The following SRFBP1 variants were observed in gnomAD, a reference collection of about 807,000 sequenced individuals.
SRFBP1 encodes the protein serum response factor-binding protein 1.
In SRFBP1, 47 loss-of-function variants were observed where a neutral mutation model predicts 45.5. That is an observed-to-expected ratio of 1.03 (90% CI 0.82 to 1.32). The LOEUF is 1.32. SRFBP1 is among the 40% of genes most tolerant of loss of function. The pLI is 0.00. For missense variants in SRFBP1, 621 were observed against 484.6 expected, an observed-to-expected ratio of 1.28 and a Z score of -2.64; for synonymous variants, 203 against 166.3, an observed-to-expected ratio of 1.22 and a Z score of -1.70.
chr5:122,021,769 C>A (rs936005647), intron 6 of SRFBP1, among the ~76,000 whole-genome samples: 7 of 150,046 alleles, frequency 4.7e-5, no homozygotes, highest in African/African-American at 1.7e-4. Flanking sequence ...CTCTGCCTCC[C>A]AGGTTCAAGC....
intron 4 of SRFBP1, 142 bp from the exon 5 acceptor site, chr5:122,019,118 G>A: frequency 4.3e-6 from 3 of 690,668 alleles, no homozygotes. Context: ...TGATTATACA[G>A]ATATCTTATC....
chr5:121,981,117 A>G (rs1752398964), intron 3 of SRFBP1, among the ~76,000 whole-genome samples: 1 of 152,006 alleles, frequency 6.6e-6, no homozygotes, highest in African/African-American at 2.4e-5. Flanking sequence ...TTTTGGTAGT[A>G]TGTCCAGGTG....
At chr5:121,963,489 A>G (rs1751993817) in intron 1 of SRFBP1, among the ~76,000 whole-genome samples, 1 of 152,130 alleles carries the variant, frequency 6.6e-6, no homozygotes, top group African/African-American at 2.4e-5. Context: ...GACTTTGATG[A>G]TGGAAATGAC....
intron 2 of SRFBP1, among the ~76,000 whole-genome samples, chr5:122,037,642 T>C (rs1753714138): frequency 6.6e-6 from 1 of 152,116 alleles, no homozygotes; most frequent in South Asian, 2.1e-4. Context: ...AGCCACATGC[T>C]AACACACCTG....
rs113463878 is a variant in SRFBP1, at chr5:121,987,116, A to G, written c.199-7483A>G. On this transcript the variant is annotated intron_variant, in intron 3 of 7. Coordinates refer to ENST00000339397, the MANE Select transcript of SRFBP1 (RefSeq NM_152546.3). ...CTGGAAAACCAATTAGGCTATTATA[A>G]TCCACACAATCCATAAAGAAGTCTT... Among the ~76,000 whole-genome samples the G allele has an allele frequency of 6.7e-3, 1,017 of 152,252 alleles. 18 individuals carry two copies. The highest frequency in any genetic ancestry group is 0.023 in the African/African-American group (975 of 41,546).
At chr5:122,023,990 T>C (rs1290937455) in intron 7 of SRFBP1, among the ~76,000 whole-genome samples, 2 of 152,218 alleles carry the variant, frequency 1.3e-5, no homozygotes, top group African/African-American at 4.8e-5. Context: ...GGGAGTGCCA[T>C]ACATTTAGTC....
intron 4 of SRFBP1, among the ~76,000 whole-genome samples, chr5:122,000,987 T>C (rs1355453270): frequency 6.6e-6 from 1 of 152,136 alleles, no homozygotes; most frequent in Non-Finnish European, 1.5e-5. Context: ...AAATTTGACA[T>C]ACACTGACTC....
chr5:121,979,367 A>G (rs575230595), intron 3 of SRFBP1, among the ~76,000 whole-genome samples: 8 of 152,306 alleles, frequency 5.3e-5, no homozygotes, highest in African/African-American at 1.9e-4. Flanking sequence ...ATAGTTTCAC[A>G]TACTGTGACT....
At chr5:122,032,399 G>GC (rs1753605530), downstream of SRFBP1, among the ~76,000 whole-genome samples, 2 of 107,050 alleles carry the variant, frequency 1.9e-5, no homozygotes, top group Non-Finnish European at 3.8e-5. Context: ...ATTCCCGCCC[G>GC]CCCCCTGTAA....
chr5:122,037,543 C>T (rs922729029), intron 2 of SRFBP1, among the ~76,000 whole-genome samples: 9 of 152,010 alleles, frequency 5.9e-5, no homozygotes, highest in East Asian at 3.8e-4. Context: ...CTTACTCTGT[C>T]GCTATGTTGA....
intron 2 of SRFBP1, among the ~76,000 whole-genome samples, chr5:122,062,649 G>C (rs75222393): frequency 0.047 from 7,210 of 152,032 alleles, 523 homozygotes; most frequent in African/African-American, 0.15. Context: ...TTGCCAGCCA[G>C]AAGTCTACAT....
At chr5:122,062,700 G>A (rs907436749) in intron 2 of SRFBP1, among the ~76,000 whole-genome samples, 5 of 151,944 alleles carry the variant, frequency 3.3e-5, no homozygotes, top group African/African-American at 1.2e-4. Flanking sequence ...AATTGTTTTT[G>A]TGGGTTAATT....
downstream of SRFBP1, chr5:122,077,567 GA>G: frequency 6.2e-7 from 1 of 1,613,016 alleles, no homozygotes; most frequent in Non-Finnish European, 8.5e-7. The surrounding 1 kb of genome is among the most constrained non-coding windows in gnomAD (Gnocchi z 4.9). Flanking sequence ...CTCCGCGCGC[GA>G]GGCGCCAGCT....
intron 6 of SRFBP1, among the ~76,000 whole-genome samples, chr5:122,021,956 A>G (rs1319047457): frequency 6.6e-6 from 1 of 151,884 alleles, no homozygotes; most frequent in Non-Finnish European, 1.5e-5. Context: ...AGCCTCCCAA[A>G]GTGCTGGGAT....
rs1218405926 is a variant in SRFBP1, at chr5:122,027,231, GC to G, written c.*106del. Reference sequence around the variant, plus strand: ...ACTAGAGTACAATATTGCAATCACAGCTCACTGCAGCCTCAAACTCCTGGGC... The same window carrying G: ...ACTAGAGTACAATATTGCAATCACAGTCACTGCAGCCTCAAACTCCTGGGC... On this transcript the variant is annotated 3_prime_UTR_variant, in exon 8 of 8. Coordinates refer to ENST00000339397, the MANE Select transcript of SRFBP1 (RefSeq NM_152546.3). 1.1e-6 allele frequency: 1 copy of G among 889,920 alleles called. No individual in the cohort carries two copies. The highest frequency in any genetic ancestry group is 1.7e-6 in the Non-Finnish European group (1 of 600,384). The allele number at this position is 889,920 out of a possible 1,614,324, so 55.1% of individuals were successfully genotyped here. A position where few individuals can be genotyped will look rare whatever the true frequency, so the allele number is the denominator to read the frequency against.
chr5:122,055,188 A>G (rs1207576605), intron 2 of SRFBP1, among the ~76,000 whole-genome samples: 1 of 152,156 alleles, frequency 6.6e-6, no homozygotes, highest in East Asian at 1.9e-4. Flanking sequence ...GTCCTCACTC[A>G]TGATGCCTTC....
chr5:122,001,605 A>G (rs1401567875), intron 4 of SRFBP1, among the ~76,000 whole-genome samples: 1 of 129,226 alleles, frequency 7.7e-6, no homozygotes, highest in African/African-American at 3.0e-5. Flanking sequence ...CCCAGGCCGG[A>G]CTGCGGATTG....
chr5:121,979,433 A>T (rs1752363935), intron 3 of SRFBP1, among the ~76,000 whole-genome samples: 1 of 152,228 alleles, frequency 6.6e-6, no homozygotes, highest in Admixed American at 6.5e-5. Flanking sequence ...AGGGTAAAAG[A>T]TACCTTATTG....
intron 7 of SRFBP1, among the ~76,000 whole-genome samples, chr5:122,023,869 T>G (rs1281328927): frequency 6.6e-6 from 1 of 152,252 alleles, no homozygotes; most frequent in African/African-American, 2.4e-5. Context: ...TGAAAATTCT[T>G]TCTTTGAGCT....
Sources: gnomAD v4.1 joint callset for allele counts (sites outside exome capture counted in the v4.1 genomes callset) on GRCh38, gnomAD v4.1.1 for gene constraint, Gnocchi (gnomAD v3.1) non-coding constraint, MANE v1.5 for transcripts, NCBI Gene and HGNC (gene_info 2026-07-23, HGNC 2026-07-21) for gene names.